The following ASIC2 variants were observed in gnomAD, a reference collection of about 807,000 sequenced individuals.
The protein encoded by ASIC2 is acid sensing ion channel subunit 2.
ASIC2 carries 25 observed loss-of-function variants against 57.3 expected under a neutral mutation model. The observed-to-expected ratio is 0.44, with a 90% CI of 0.32 to 0.61. ASIC2 has a LOEUF of 0.61. ASIC2 is among the 20% of genes least tolerant of loss of function. The pLI is 0.06. For synonymous variants in ASIC2, 319 were observed against 307.5 expected, an observed-to-expected ratio of 1.04 and a Z score of -0.39; for missense variants, 641 against 738.1, an observed-to-expected ratio of 0.87 and a Z score of 1.52.
In ASIC2 at chr17:33,888,075, C is replaced by A. The variant is rs138584334; in HGVS notation, c.555+267903G>T. ...TCTGCTGTGCTGACCACATTAAATG[C>A]ATTTTTTACTTACAATATTTTTGAC... On this transcript the variant is annotated intron_variant, in intron 1 of 9. Transcript: ENST00000359872. Among the ~76,000 whole-genome samples the A allele has an allele frequency of 3.5e-3, 534 of 152,220 alleles. 9 individuals are homozygous for A. The highest frequency in any genetic ancestry group is 0.012 in the African/African-American group (517 of 41,538).
At chr17:33,077,510 ACTG>A (rs2092093812) in intron 3 of ASIC2, among the ~76,000 whole-genome samples, 3 of 152,178 alleles carry the variant, frequency 2.0e-5, no homozygotes, top group African/African-American at 7.2e-5. Context: ...TAGACAATTG[ACTG>A]CTATTAAAAC....
chr17:33,160,213 AAAAAAG>A (rs975138018), intron 1 of ASIC2, among the ~76,000 whole-genome samples: 7 of 83,436 alleles, frequency 8.4e-5, no homozygotes, highest in Admixed American at 2.1e-4. Flanking sequence ...TGTTAAAAAA[AAAAAAG>A]AAAAGAAAAG....
intron 1 of ASIC2, among the ~76,000 whole-genome samples, chr17:33,740,031 A>T (rs1037213382): frequency 1.3e-5 from 2 of 152,100 alleles, no homozygotes; most frequent in Non-Finnish European, 2.9e-5. Flanking sequence ...AAAGAAAGAA[A>T]AAAAAGAACA....
intron 1 of ASIC2, among the ~76,000 whole-genome samples, chr17:33,710,388 C>T (rs1371442577): frequency 6.6e-6 from 1 of 152,132 alleles, no homozygotes; most frequent in African/African-American, 2.4e-5. Context: ...TTTGAAGTGC[C>T]GCAGGGAGCT....
At chr17:34,119,897 T>C (rs772680733) in intron 1 of ASIC2, among the ~76,000 whole-genome samples, 2 of 152,192 alleles carry the variant, frequency 1.3e-5, no homozygotes, top group Admixed American at 6.5e-5. Context: ...ATCCAATTAA[T>C]AGACAAATTA....
intron 1 of ASIC2, among the ~76,000 whole-genome samples, chr17:33,984,604 A>C (rs1905750236): frequency 6.6e-6 from 1 of 152,230 alleles, no homozygotes; most frequent in Admixed American, 6.5e-5. Flanking sequence ...ACACTTGTGC[A>C]TCCCCTTCAC....
chr17:33,844,593 A>G (rs1239871706), intron 1 of ASIC2, among the ~76,000 whole-genome samples: 2 of 152,228 alleles, frequency 1.3e-5, no homozygotes, highest in Non-Finnish European at 2.9e-5. Context: ...GAAAACAGAG[A>G]TGATAGTCAT....
At chr17:34,148,382 T>C (rs1904375510) in intron 1 of ASIC2, among the ~76,000 whole-genome samples, 1 of 152,186 alleles carries the variant, frequency 6.6e-6, no homozygotes, top group Non-Finnish European at 1.5e-5. Context: ...AGTTCTAAAC[T>C]GGAAGATCCC....
chr17:33,637,152 C>T (rs1906398771), intron 1 of ASIC2, among the ~76,000 whole-genome samples: 1 of 152,012 alleles, frequency 6.6e-6, no homozygotes, highest in Admixed American at 6.5e-5. Context: ...CTAAATGATG[C>T]AGCTAGAAGC....
At chr17:33,269,128 T>C (rs1325606103) in intron 1 of ASIC2, among the ~76,000 whole-genome samples, 1 of 152,194 alleles carries the variant, frequency 6.6e-6, no homozygotes, top group Non-Finnish European at 1.5e-5. Context: ...CCTGGGTACT[T>C]GCTTTCCTGG....
intron 3 of ASIC2, among the ~76,000 whole-genome samples, chr17:33,066,061 A>G (rs1003276729): frequency 6.6e-5 from 10 of 152,116 alleles, no homozygotes; most frequent in Non-Finnish European, 1.2e-4. Flanking sequence ...ATGGCGGGAC[A>G]CCTGGGCCCC....
chr17:33,984,880 C>T (rs1017065690), intron 1 of ASIC2, among the ~76,000 whole-genome samples: 1 of 152,200 alleles, frequency 6.6e-6, no homozygotes, highest in Admixed American at 6.5e-5. Context: ...CTCTTTAACC[C>T]TGACATTCTC....
intron 1 of ASIC2, among the ~76,000 whole-genome samples, chr17:33,487,911 C>T (rs1357915022): frequency 1.3e-5 from 2 of 152,190 alleles, no homozygotes; most frequent in African/African-American, 4.8e-5. Flanking sequence ...GAAGGATGCA[C>T]TGTTGGCTCC....
intron 1 of ASIC2, among the ~76,000 whole-genome samples, chr17:34,010,729 A>G (rs2142020916): frequency 6.6e-6 from 1 of 151,852 alleles, no homozygotes; most frequent in African/African-American, 2.4e-5. Flanking sequence ...AGACATGTAC[A>G]GAGAAACACC....
At position 34,156,548 on chromosome 17, in the gene ASIC2, T is replaced by G. The variant is rs1904730103; in HGVS notation, c.-16A>C. 6.4e-7 allele frequency: 1 copy of G among 1,568,148 alleles called. No individual in the cohort carries two copies. The highest frequency in any genetic ancestry group is 8.7e-7 in the Non-Finnish European group (1 of 1,153,122). ...TGAGGTCCATCGGGACCCCGTGCAG[T>G]TCCGCAACTGGCTTCAGGTTGATCG... On this transcript the variant is annotated 5_prime_UTR_variant, in exon 1 of 10. Transcript: ENST00000359872. The surrounding 1 kb of genome is among the most constrained non-coding windows in gnomAD (Gnocchi z 4.4).
intron 1 of ASIC2, among the ~76,000 whole-genome samples, chr17:33,625,807 T>C (rs1024198079): frequency 6.6e-6 from 1 of 152,216 alleles, no homozygotes; most frequent in Non-Finnish European, 1.5e-5. Context: ...GTGGGAAATC[T>C]ACACTGCTTA....
At chr17:33,809,771 GTGC>G (rs1912367971) in intron 1 of ASIC2, among the ~76,000 whole-genome samples, 1 of 152,194 alleles carries the variant, frequency 6.6e-6, no homozygotes, top group Non-Finnish European at 1.5e-5. Context: ...ATTTTATTTA[GTGC>G]ATGAATGCTA....
At chr17:33,269,074 TG>T (rs1193929010) in intron 1 of ASIC2, among the ~76,000 whole-genome samples, 2 of 152,188 alleles carry the variant, frequency 1.3e-5, no homozygotes, top group African/African-American at 4.8e-5. Flanking sequence ...CTTTCTTCTG[TG>T]CCTGCAGGAA....
chr17:33,621,051 G>T (rs1265708772), intron 1 of ASIC2, among the ~76,000 whole-genome samples: 1 of 152,132 alleles, frequency 6.6e-6, no homozygotes, highest in Admixed American at 6.5e-5. Context: ...GAGGCTAGCT[G>T]CTTCTCATTG....
Sources: allele counts gnomAD v4.1 joint callset (sites outside exome capture counted in the v4.1 genomes callset), GRCh38; gene constraint gnomAD v4.1.1; non-coding constraint Gnocchi (gnomAD v3.1); transcripts MANE v1.5; gene names NCBI Gene and HGNC (gene_info 2026-07-23, HGNC 2026-07-21).